The following WDR4 variants were observed in gnomAD, a reference collection of about 807,000 sequenced individuals.
The protein encoded by WDR4 is tRNA (guanine-N(7)-)-methyltransferase non-catalytic subunit WDR4.
In WDR4, 47 loss-of-function variants were observed where a neutral mutation model predicts 48.6. That is an observed-to-expected ratio of 0.97 (90% confidence interval 0.77 to 1.23). WDR4 has a LOEUF of 1.23. Ranked by LOEUF, WDR4 falls within the 50% of genes most tolerant of loss-of-function variation. The pLI is 0.00. For missense variants in WDR4, 606 were observed against 551.6 expected, an observed-to-expected ratio of 1.10 and a Z score of -0.99; for synonymous variants, 268 against 230.0, an observed-to-expected ratio of 1.17 and a Z score of -1.49.
chr21:42,890,949 C>T, the WDR4 span, among the ~76,000 whole-genome samples: 1 of 152,226 alleles, frequency 6.6e-6, no homozygotes, highest in Non-Finnish European at 1.5e-5. Context: ...CCCAGCCTTC[C>T]TGCTCCCTCT....
At chr21:42,856,359 C>T (rs76883271) in intron 6 of WDR4, among the ~76,000 whole-genome samples, 7,900 of 152,254 alleles carry the variant, frequency 0.052, 306 homozygotes, top group Non-Finnish European at 0.081. Context: ...TGGAAAAAAG[C>T]GTTTCTCTTT....
At chr21:42,876,252 T>A (rs8134864) in intron 2 of WDR4, among the ~76,000 whole-genome samples, 18 of 138,648 alleles carry the variant, frequency 1.3e-4, no homozygotes, top group Non-Finnish European at 2.4e-4. Flanking sequence ...CTTGCTCTAT[T>A]CCCCAGGCTG....
downstream of WDR4, among the ~76,000 whole-genome samples, chr21:42,846,565 G>C (rs1299873191): frequency 6.6e-6 from 1 of 152,130 alleles, no homozygotes; most frequent in African/African-American, 2.4e-5. Flanking sequence ...GAAGAAAGAC[G>C]GGCTGGGCAT....
chr21:42,871,099 TGAG>T (rs946829064), intron 3 of WDR4, among the ~76,000 whole-genome samples: 2 of 151,960 alleles, frequency 1.3e-5, no homozygotes, highest in Non-Finnish European at 2.9e-5. Context: ...GAACAGGAAA[TGAG>T]GACATAGACA....
At chr21:42,854,682 G>A (rs2057939304) in intron 7 of WDR4, 56 bp from the exon 8 acceptor site, 1 of 1,567,314 alleles carries the variant, frequency 6.4e-7, no homozygotes, top group Non-Finnish European at 8.7e-7. Flanking sequence ...CCGACGCCGG[G>A]CGCTCTGATC....
rs925427415 is a variant in WDR4, at chr21:42,859,088, G to A, written c.627+574C>T. Among the ~76,000 whole-genome samples the A allele has an allele frequency of 3.3e-5, 5 of 152,142 alleles. No homozygotes were observed. In the South Asian group the frequency reaches 1.0e-3, roughly 32 times the overall value. ...GTAAGGCTTCCAGGACCCAATTGCTGGGACACAGAAGCTGTACCCAACAAG... is the reference window on the plus strand; with the variant it reads ...GTAAGGCTTCCAGGACCCAATTGCTAGGACACAGAAGCTGTACCCAACAAG... On this transcript the variant is annotated intron_variant, in intron 6 of 10. Transcript: ENST00000398208.
chr21:42,855,725 T>A lies in WDR4; in HGVS notation c.683A>T (p.His228Leu). The change falls in exon 7 of 11, where the codon CAC (histidine) becomes CTC (leucine). Residue 228 changes from histidine to leucine, a missense_variant. By Grantham distance (99) the His-to-Leu change is moderately conservative (BLOSUM62 -3). Transcript: ENST00000398208. ...YRSGRQLHCC[H>L]LASLQELVDP... ...CACCAGCTCCTGCAGACTGGCCAGG[T>A]GACAGCAGTGCAGCTGGCGGCCGCT... 6.4e-7 allele frequency: 1 copy of A among 1,555,262 alleles called. No individual in the cohort carries two copies. The highest frequency in any genetic ancestry group is 8.7e-7 in the Non-Finnish European group (1 of 1,149,164).
At chr21:42,847,795 C>T (rs939559650), downstream of WDR4, among the ~76,000 whole-genome samples, 6 of 152,146 alleles carry the variant, frequency 3.9e-5, no homozygotes, top group African/African-American at 9.7e-5. Context: ...TCTATCAGGC[C>T]GTGGGCAGGA....
upstream of WDR4, chr21:42,879,824 G>A (rs1270470365): frequency 7.3e-6 from 3 of 412,664 alleles, no homozygotes; most frequent in Non-Finnish European, 4.3e-6. Flanking sequence ...TTCCGCGGTA[G>A]CTGGAGAGAC....
Position 42,849,804 on chromosome 21 carries a change from GCTT to G in WDR4, c.*242_*244del. 2.2e-6 allele frequency: 1 copy of G among 463,570 alleles called. No individual in the cohort carries two copies. Among genetic ancestry groups the G allele is most frequent in the South Asian group, 3.4e-5 (1 of 29,006 alleles). The allele number at this position is 463,570 out of a possible 1,614,324, so 28.7% of individuals were successfully genotyped here. A position where few individuals can be genotyped will look rare whatever the true frequency, so the allele number is the denominator to read the frequency against. On this transcript the variant is annotated 3_prime_UTR_variant, in exon 11 of 11. Coordinates refer to ENST00000398208, the MANE Select transcript of WDR4 (RefSeq NM_018669.6). ...GCAGCCTCCGACATGAAAAGAAAGT[GCTT>G]CAAGAGCTTCCACTCCACTGGTCTG...
chr21:42,882,968 G>A (rs906260341), upstream of WDR4, among the ~76,000 whole-genome samples: 12 of 151,996 alleles, frequency 7.9e-5, no homozygotes, highest in South Asian at 2.1e-4. Flanking sequence ...GCATGGTGGC[G>A]GACGCCTGTA....
chr21:42,867,331 C>T (rs1685840866), intron 3 of WDR4, among the ~76,000 whole-genome samples: 1 of 147,760 alleles, frequency 6.8e-6, no homozygotes, highest in South Asian at 2.1e-4. Flanking sequence ...GTGGAGGTTG[C>T]AGTGAGCCAA....
At chr21:42,867,705 G>A (rs2058280178) in intron 3 of WDR4, among the ~76,000 whole-genome samples, 1 of 151,956 alleles carries the variant, frequency 6.6e-6, no homozygotes, top group Non-Finnish European at 1.5e-5. Flanking sequence ...TAAACTAGAT[G>A]CACTGCCCAC....
At chr21:42,863,033 G>A (rs1209098156) in intron 4 of WDR4, among the ~76,000 whole-genome samples, 1 of 152,170 alleles carries the variant, frequency 6.6e-6, no homozygotes, top group African/African-American at 2.4e-5. Flanking sequence ...AGGAGGCGGA[G>A]CCAGAGGCTC....
chr21:42,864,107 CAAA>C lies in WDR4; in HGVS notation c.297-514_297-512del, dbSNP rs776906461. Among the ~76,000 whole-genome samples the C allele has an allele frequency of 7.3e-4, 37 of 50,532 alleles. No homozygotes were observed. The South Asian group carries it at 0.013, about 18-fold the overall frequency. 33.2% of individuals were successfully genotyped at this position (50,532 alleles called of 152,430 possible). Reference sequence around the variant, plus strand: ...GGGGCGACAGAGCGAGACTCCGTCTCAAAAAAAAAAAAAAAAAAAAAAAGAAAA... The same window carrying C: ...GGGGCGACAGAGCGAGACTCCGTCTCAAAAAAAAAAAAAAAAAAAAGAAAA... On this transcript the variant is annotated intron_variant, in intron 3 of 10. Coordinates refer to ENST00000398208, the MANE Select transcript of WDR4 (RefSeq NM_018669.6).
exon 12 of WDR4, chr21:42,843,102 CA>C (rs2057680585): frequency 6.6e-6 from 1 of 152,192 alleles, no homozygotes; most frequent in South Asian, 2.1e-4. Context: ...TGTTCCTAGT[CA>C]AAAATTTACT....
chr21:42,860,513 T>C (rs1248560054), intron 5 of WDR4, among the ~76,000 whole-genome samples: 1 of 152,238 alleles, frequency 6.6e-6, no homozygotes, highest in African/African-American at 2.4e-5. Context: ...GACCCTGGAA[T>C]GGGGTGGCCC....
chr21:42,887,431 A>T, the WDR4 span, among the ~76,000 whole-genome samples: 2 of 151,972 alleles, frequency 1.3e-5, no homozygotes, highest in Admixed American at 1.3e-4. Flanking sequence ...GAGCCACCAC[A>T]TCTGGACCCA....
At chr21:42,863,094 A>G (rs1224681264) in intron 4 of WDR4, among the ~76,000 whole-genome samples, 1 of 152,036 alleles carries the variant, frequency 6.6e-6, no homozygotes, top group African/African-American at 2.4e-5. Flanking sequence ...GGGGCCACCT[A>G]CTGACCACCT....
Sources: allele counts gnomAD v4.1 joint callset (sites outside exome capture counted in the v4.1 genomes callset), GRCh38; gene constraint gnomAD v4.1.1; transcripts MANE v1.5; gene names NCBI Gene and HGNC (gene_info 2026-07-23, HGNC 2026-07-21).